Variants in ITGA6 observed in about 807,000 individuals in gnomAD.
The protein encoded by ITGA6 is integrin alpha-6.
A neutral mutation model predicts 133.6 loss-of-function variants in ITGA6; 63 were observed. The observed-to-expected ratio is 0.47, with a 90% confidence interval of 0.38 to 0.58. The LOEUF is 0.58. Among genes scored for constraint, ITGA6 ranks in the 20% least tolerant of loss-of-function variants. The pLI is 0.00. For synonymous variants in ITGA6, 434 were observed against 482.0 expected, an observed-to-expected ratio of 0.90 and a Z score of 1.30; for missense variants, 1,068 against 1,309.4, an observed-to-expected ratio of 0.82 and a Z score of 2.85.
intron 1 of ITGA6, among the ~76,000 whole-genome samples, chr2:172,438,845 G>A (rs917310163): frequency 6.6e-6 from 1 of 151,858 alleles, no homozygotes; most frequent in African/African-American, 2.4e-5. Context: ...ACAACTGGAG[G>A]GCAGTCCACA....
intron 1 of ITGA6, among the ~76,000 whole-genome samples, chr2:172,436,648 A>T (rs955908047): frequency 6.6e-6 from 1 of 152,218 alleles, no homozygotes; most frequent in African/African-American, 2.4e-5. Flanking sequence ...TTTTGTCTGT[A>T]TTCGAACATG....
intron 2 of ITGA6, among the ~76,000 whole-genome samples, chr2:172,467,237 G>A (rs996465599): frequency 3.3e-5 from 5 of 152,180 alleles, no homozygotes; most frequent in Admixed American, 6.5e-5. Context: ...AAAGGGTATT[G>A]TTGGACAAAA....
chr2:172,433,019 C>T (rs1357747883), intron 1 of ITGA6, among the ~76,000 whole-genome samples: 8 of 152,082 alleles, frequency 5.3e-5, no homozygotes, highest in South Asian at 2.1e-4. Flanking sequence ...TTACCTGCTC[C>T]GGGGGTGAGC....
intron 23 of ITGA6, among the ~76,000 whole-genome samples, chr2:172,494,694 G>A (rs1238792370): frequency 6.6e-6 from 1 of 152,170 alleles, no homozygotes; most frequent in African/African-American, 2.4e-5. Context: ...TGTTAGAGAT[G>A]CAAAGTTGGG....
intron 1 of ITGA6, among the ~76,000 whole-genome samples, chr2:172,444,032 C>A (rs1051402020): frequency 1.3e-5 from 2 of 152,204 alleles, no homozygotes; most frequent in Non-Finnish European, 2.9e-5. Context: ...ACCTTGGCCC[C>A]CAAAGTTCTG....
chr2:172,443,261 CT>C lies in ITGA6; in HGVS notation c.182+15293del, dbSNP rs1468645934. 3.9e-4 allele frequency among the ~76,000 whole-genome samples: 60 copies of C among 152,140 alleles called. 1 individual carries two copies. The highest frequency in any genetic ancestry group is 1.4e-3 in the African/African-American group (58 of 41,482). Reference sequence around the variant, plus strand: ...TTCAATCTTGTAAATAAAGAGCTTCCTTATTATTTTTAATCTCTGCATAATA... The same window carrying C: ...TTCAATCTTGTAAATAAAGAGCTTCCTATTATTTTTAATCTCTGCATAATA... On this transcript the variant is annotated intron_variant, in intron 1 of 25. Transcript: ENST00000684293.
intron 2 of ITGA6, chr2:172,466,064 C>T: frequency 9.5e-6 from 3 of 315,570 alleles, no homozygotes; most frequent in South Asian, 8.4e-5. Flanking sequence ...AATATCAGAC[C>T]CCTTTGGAAT....
intron 19 of ITGA6, among the ~76,000 whole-genome samples, chr2:172,488,920 C>T (rs1193049905): frequency 2.6e-5 from 4 of 152,190 alleles, no homozygotes; most frequent in African/African-American, 9.7e-5. Context: ...TCTTTGGGTT[C>T]TGGAACAGTC....
Position 172,474,443 on chromosome 2 carries a change from C to G in ITGA6, c.986+178C>G, listed in dbSNP as rs1686076255. Among the ~76,000 whole-genome samples, 6 of 152,146 alleles carry G rather than the reference C, an allele frequency of 3.9e-5. No homozygotes were observed. In the South Asian group the frequency reaches 1.2e-3, roughly 32 times the overall value. On this transcript the variant is annotated intron_variant, in intron 6 of 25. Transcript: ENST00000684293. ...TGGCAGCAGACAGACATTCATATCC[C>G]TCCCCAGCGTATAGGATTATATTTT... is the stretch of plus-strand genomic sequence containing the variant.
At chr2:172,469,678 A>T (rs1172127026) in intron 4 of ITGA6, among the ~76,000 whole-genome samples, 1 of 152,144 alleles carries the variant, frequency 6.6e-6, no homozygotes, top group Non-Finnish European at 1.5e-5. Context: ...GATTTGTGCG[A>T]CTCATGAAGC....
chr2:172,492,111 C>G (rs537276059), intron 23 of ITGA6, among the ~76,000 whole-genome samples: 6 of 152,220 alleles, frequency 3.9e-5, no homozygotes, highest in Admixed American at 6.5e-5. Flanking sequence ...GGCTCCTGGC[C>G]TCTCCCTTCC....
chr2:172,483,428 T>C (rs1219109378), intron 11 of ITGA6, among the ~76,000 whole-genome samples: 4 of 152,232 alleles, frequency 2.6e-5, no homozygotes, highest in African/African-American at 9.6e-5. Flanking sequence ...ATGTGAGTTA[T>C]TCATTTTCTG....
chr2:172,476,939 T>C (rs1181239671), intron 9 of ITGA6, among the ~76,000 whole-genome samples: 2 of 152,244 alleles, frequency 1.3e-5, no homozygotes, highest in Non-Finnish European at 2.9e-5. Context: ...TGCATAATTT[T>C]GTAACCTGCT....
At chr2:172,496,863 G>T (rs775980516) in intron 23 of ITGA6, among the ~76,000 whole-genome samples, 2 of 152,194 alleles carry the variant, frequency 1.3e-5, no homozygotes, top group African/African-American at 2.4e-5. Context: ...TTAGGTTTCT[G>T]AGTAAACACC....
chr2:172,428,087 G>A (rs889762286), intron 1 of ITGA6, 117 bp downstream of exon 1: 5 of 1,063,500 alleles, frequency 4.7e-6, no homozygotes, highest in Non-Finnish European at 6.1e-6. Flanking sequence ...GGTCGCGCCC[G>A]GGCCGGCCGA....
chr2:172,489,743 GAA>G (rs1211708692), intron 20 of ITGA6, 85 bp downstream of exon 20: 18 of 1,229,364 alleles, frequency 1.5e-5, no homozygotes, highest in Non-Finnish European at 2.1e-5. Flanking sequence ...CTGTTCTTAG[GAA>G]AGTGGCATAT....
intron 23 of ITGA6, among the ~76,000 whole-genome samples, chr2:172,495,752 G>C (rs1004798928): frequency 1.3e-5 from 2 of 152,172 alleles, no homozygotes; most frequent in African/African-American, 4.8e-5. Context: ...GGGGCTTAGA[G>C]CTTCAGCTGG....
chr2:172,427,800 C>G lies in ITGA6; in HGVS notation c.12C>G (p.Ala4=), dbSNP rs201026395. The G allele has an allele frequency of 1.8e-5, 29 of 1,595,888 alleles. No homozygotes were observed. The highest frequency in any genetic ancestry group is 2.3e-5 in the Non-Finnish European group (27 of 1,172,690). ...CCGTGCGTCCGCCCATGGCCGCCGC[C>G]GGGCAGCTGTGCTTGCTCTACCTGT... The part of the protein sequence containing the change: MAA[A]GQLCLLYLSA... Residue 4 remains alanine, a synonymous_variant, in exon 1 of 26, where the codon GCC becomes GCG. Coordinates refer to ENST00000684293, the MANE Select transcript of ITGA6 (RefSeq NM_000210.4).
chr2:172,503,312 CTA>C (rs1687424893), intron 25 of ITGA6: 2 of 151,808 alleles, frequency 1.3e-5, no homozygotes, highest in South Asian at 4.2e-4. Context: ...ATCAGATTGA[CTA>C]TTTAAATGAA....
Sources: allele counts gnomAD v4.1 joint callset (sites outside exome capture counted in the v4.1 genomes callset), GRCh38; gene constraint gnomAD v4.1.1; transcripts MANE v1.5; gene names NCBI Gene and HGNC (gene_info 2026-07-23, HGNC 2026-07-21).